SH3KBP1: variants seen among roughly 807,000 people sequenced by gnomAD.
SH3KBP1 encodes the protein SH3 domain containing kinase binding protein 1, also known as SH3 domain-containing kinase-binding protein 1.
Under a neutral mutation model 50.1 loss-of-function variants are expected in SH3KBP1, and 8 were observed. That is an observed-to-expected ratio of 0.16 (90% confidence interval 0.09 to 0.29). The LOEUF (loss-of-function observed/expected upper bound fraction) is 0.29. Among genes scored for constraint, SH3KBP1 ranks in the 10% least tolerant of loss-of-function variants. SH3KBP1 has a pLI of 1.00. For missense variants in SH3KBP1, 377 were observed against 535.2 expected, an observed-to-expected ratio of 0.70 and a Z score of 2.92; for synonymous variants, 227 against 218.6, an observed-to-expected ratio of 1.04 and a Z score of -0.34.
chrX:19,760,023 C>CT (rs1556345973), intron 2 of SH3KBP1, among the ~76,000 whole-genome samples: 9 of 83,582 alleles, frequency 1.1e-4, no homozygotes, highest in South Asian at 5.7e-4. Flanking sequence ...CTCTCTCTCT[C>CT]CTCTCTCTCT....
chrX:19,581,898 C>G (rs867892466), intron 12 of SH3KBP1, among the ~76,000 whole-genome samples: 2 of 108,930 alleles, frequency 1.8e-5, no homozygotes, highest in African/African-American at 6.7e-5. Context: ...TGCTGCCCCT[C>G]CCCTTATCCT....
At chrX:19,573,716 T>TC (rs1248904119) in intron 12 of SH3KBP1, among the ~76,000 whole-genome samples, 37 of 111,390 alleles carry the variant, frequency 3.3e-4, no homozygotes, top group African/African-American at 1.2e-3. Context: ...TCACAAACTC[T>TC]CCTTTAAGAA....
intron 1 of SH3KBP1, among the ~76,000 whole-genome samples, chrX:19,879,074 T>C (rs1053224036): frequency 3.6e-5 from 4 of 111,480 alleles, no homozygotes; most frequent in African/African-American, 1.3e-4. Flanking sequence ...CGAAGCCCCA[T>C]CTCTACAAAA....
chrX:19,782,093 T>A (rs1356656992), intron 2 of SH3KBP1, among the ~76,000 whole-genome samples: 1 of 111,549 alleles, frequency 9.0e-6, no homozygotes, highest in Non-Finnish European at 1.9e-5. Context: ...GCTGATGTAG[T>A]TAAGGATCCT....
chrX:19,756,431 A>C (rs1422168125), intron 2 of SH3KBP1, among the ~76,000 whole-genome samples: 1 of 110,853 alleles, frequency 9.0e-6, no homozygotes, highest in East Asian at 2.8e-4. Context: ...GGAGGGATGT[A>C]CCTAATTTTT....
In SH3KBP1 at chrX:19,859,152, A is replaced by AT. The variant is rs200300452; in HGVS notation, c.5-22871dup. 9.9e-3 allele frequency among the ~76,000 whole-genome samples: 1,019 copies of AT among 102,493 alleles called. 8 individuals carry two copies. Among genetic ancestry groups the AT allele is most frequent in the African/African-American group, 0.029 (809 of 28,349 alleles). The allele number at this position is 102,493 out of a possible 115,157, so 89.0% of individuals were successfully genotyped here. A position where few individuals can be genotyped will look rare whatever the true frequency, so the allele number is the denominator to read the frequency against. ...ATCAAATGTTTGTTGTGAAATTACTATTTTTTTTTTTTTTGAGACAGAGTC... is the reference window on the plus strand; with the variant it reads ...ATCAAATGTTTGTTGTGAAATTACTATTTTTTTTTTTTTTTGAGACAGAGTC... On this transcript the variant is annotated intron_variant, in intron 1 of 17. Coordinates refer to ENST00000397821, the MANE Select transcript of SH3KBP1 (RefSeq NM_031892.3).
intron 1 of SH3KBP1, among the ~76,000 whole-genome samples, chrX:19,846,080 G>C (rs2068362772): frequency 9.0e-6 from 1 of 111,436 alleles, no homozygotes; most frequent in Non-Finnish European, 1.9e-5. Flanking sequence ...TTCTTGTTTT[G>C]AGTCAGTGTC....
intron 9 of SH3KBP1, 43 bp downstream of exon 9, chrX:19,607,895 T>C (rs1410935747): frequency 1.2e-5 from 13 of 1,094,875 alleles, no homozygotes; most frequent in Non-Finnish European, 1.6e-5. Context: ...AGTCCCAACA[T>C]GGGAGCCACA....
intron 1 of SH3KBP1, among the ~76,000 whole-genome samples, chrX:19,877,463 C>G (rs1033252604): frequency 1.8e-5 from 2 of 111,853 alleles, no homozygotes; most frequent in Admixed American, 1.9e-4. Context: ...CAAGCGTCTC[C>G]GTCTAGCTCC....
At chrX:19,773,621 C>T (rs934403633) in intron 2 of SH3KBP1, among the ~76,000 whole-genome samples, 2 of 109,251 alleles carry the variant, frequency 1.8e-5, no homozygotes, top group Non-Finnish European at 3.8e-5. Flanking sequence ...CTTTGGGAGG[C>T]TGAGACAGGC....
chrX:19,560,699 C>T (rs1243578927), intron 13 of SH3KBP1, among the ~76,000 whole-genome samples: 2 of 111,106 alleles, frequency 1.8e-5, no homozygotes, highest in Non-Finnish European at 3.8e-5. Context: ...GTGGGATGAG[C>T]AGCCAGAGCA....
At chrX:19,762,736 G>C (rs977818706) in intron 2 of SH3KBP1, among the ~76,000 whole-genome samples, 16 of 112,050 alleles carry the variant, frequency 1.4e-4, no homozygotes, top group African/African-American at 5.2e-4. Flanking sequence ...CAGGCAAGGT[G>C]AATCAGGTGA....
intron 1 of SH3KBP1, among the ~76,000 whole-genome samples, chrX:19,867,725 T>C (rs1428371079): frequency 3.6e-5 from 4 of 111,182 alleles, no homozygotes; most frequent in African/African-American, 1.3e-4. Context: ...CAAATGAGTC[T>C]TGCTGGCCCC....
At chrX:19,637,115 T>C (rs185303113) in intron 7 of SH3KBP1, among the ~76,000 whole-genome samples, 10 of 112,463 alleles carry the variant, frequency 8.9e-5, no homozygotes, top group Admixed American at 7.5e-4. Context: ...AAAGGAAATA[T>C]ACTGCATATA....
At chrX:19,821,867 G>A (rs1022436913) in intron 2 of SH3KBP1, among the ~76,000 whole-genome samples, 3 of 112,331 alleles carry the variant, frequency 2.7e-5, no homozygotes, top group Non-Finnish European at 5.6e-5. Context: ...GGATAGGTCT[G>A]CTATTGATAA....
intron 6 of SH3KBP1, among the ~76,000 whole-genome samples, chrX:19,653,763 TACACACACACACACAC>T (rs60424271): frequency 0.048 from 3,856 of 80,218 alleles, 214 homozygotes; most frequent in African/African-American, 0.15. Context: ...TATGTCTAAA[TACACACACACACACAC>T]ACACACACAC....
chrX:19,600,061 G>A (rs1332233857), intron 9 of SH3KBP1, among the ~76,000 whole-genome samples: 1 of 101,356 alleles, frequency 9.9e-6, no homozygotes, highest in Non-Finnish European at 2.0e-5. Flanking sequence ...CGTGAACCCG[G>A]GAGGCGGAGC....
intron 13 of SH3KBP1, among the ~76,000 whole-genome samples, chrX:19,558,855 A>G (rs1255716572): frequency 8.9e-6 from 1 of 111,917 alleles, no homozygotes; most frequent in African/African-American, 3.3e-5. Context: ...TTTTCCCTCA[A>G]ACACTTCATG....
rs376775514 is a variant in SH3KBP1, at chrX:19,682,704, G to A, written c.726+1119C>T. ...TTGAAAAAAAAAGTTTAAATGAAACGGTTTTTAATTTCTAGGTATCTGCCC... is the reference window on the plus strand; with the variant it reads ...TTGAAAAAAAAAGTTTAAATGAAACAGTTTTTAATTTCTAGGTATCTGCCC... On this transcript the variant is annotated intron_variant, in intron 6 of 17. Transcript: ENST00000397821. Among the ~76,000 whole-genome samples the A allele has an allele frequency of 2.2e-4, 24 of 109,966 alleles. No homozygotes were observed. In the East Asian group the frequency reaches 3.1e-3, roughly 14 times the overall value.
Sources: allele counts gnomAD v4.1 joint callset (sites outside exome capture counted in the v4.1 genomes callset), GRCh38; gene constraint gnomAD v4.1.1; transcripts MANE v1.5; gene names NCBI Gene and HGNC (gene_info 2026-07-23, HGNC 2026-07-21).